The following MRPL48 variants were observed in gnomAD, a reference collection of about 807,000 sequenced individuals.
MRPL48 encodes the protein large ribosomal subunit protein mL48.
Under a neutral mutation model 32.9 loss-of-function variants are expected in MRPL48, and 16 were observed. The observed-to-expected ratio is 0.49, with a 90% CI of 0.33 to 0.74. The LOEUF (loss-of-function observed/expected upper bound fraction) is 0.74. Among genes scored for constraint, MRPL48 ranks in the 30% least tolerant of loss-of-function variants. The pLI, the probability that MRPL48 is intolerant of heterozygous loss-of-function variation, is 0.02. For missense variants in MRPL48, 206 were observed against 245.3 expected (o/e 0.84, Z 1.07); for synonymous variants, 94 against 89.2 (o/e 1.05, Z -0.31).
At chr11:73,839,181 T>C (rs1301501618) in intron 4 of MRPL48, among the ~76,000 whole-genome samples, 1 of 152,322 alleles carries the variant, frequency 6.6e-6, no homozygotes, top group East Asian at 1.9e-4. Context: ...AAGGACCATT[T>C]CTTTGTCTTC....
intron 4 of MRPL48, among the ~76,000 whole-genome samples, chr11:73,841,312 T>C (rs1371660336): frequency 6.6e-6 from 1 of 152,206 alleles, no homozygotes; most frequent in Non-Finnish European, 1.5e-5. Flanking sequence ...CAGAAATGCA[T>C]ACATATGTTC....
intron 3 of MRPL48, chr11:73,817,889 C>G (rs749094434): frequency 3.3e-6 from 1 of 301,636 alleles, no homozygotes; most frequent in South Asian, 2.8e-5. Context: ...CCTGCAGCCT[C>G]GAACTCCTGG....
intron 4 of MRPL48, among the ~76,000 whole-genome samples, chr11:73,835,348 G>T (rs57579114): frequency 0.062 from 9,329 of 151,334 alleles, 894 homozygotes; most frequent in African/African-American, 0.21. Flanking sequence ...CACCATTTTG[G>T]CTAGGATAGT....
At position 73,859,899 on chromosome 11, in the gene MRPL48, TC is replaced by T. The variant is rs751402403; in HGVS notation, c.372-5del. 5 of 1,613,060 alleles carry T rather than the reference TC, an allele frequency of 3.1e-6. No individual in the cohort carries two copies. The East Asian group carries it at 1.1e-4, about 36-fold the overall frequency. On this transcript the variant is annotated splice_polypyrimidine_tract_variant and splice_region_variant and intron_variant, in intron 5 of 7. Coordinates refer to ENST00000310614, the MANE Select transcript of MRPL48 (RefSeq NM_016055.6). ...ACACTCACTATAGCTGACTCTTCCT[TC>T]CCACAGTTATGCAATGCCAACCAAA...
At chr11:73,788,542 C>T (rs1380358333) in intron 1 of MRPL48, among the ~76,000 whole-genome samples, 1 of 147,798 alleles carries the variant, frequency 6.8e-6, no homozygotes, top group Non-Finnish European at 1.5e-5. Context: ...GGTGCGATCC[C>T]GGCTCACCAC....
chr11:73,824,181 A>G (rs1037950925), intron 3 of MRPL48, among the ~76,000 whole-genome samples: 8 of 152,110 alleles, frequency 5.3e-5, no homozygotes, highest in African/African-American at 1.9e-4. Context: ...ATCCAGTAGT[A>G]GCATACCTAC....
At chr11:73,859,738 T>C (rs1404718926) in intron 5 of MRPL48, among the ~76,000 whole-genome samples, 169 bp from the exon 6 acceptor site, 1 of 152,202 alleles carries the variant, frequency 6.6e-6, no homozygotes, top group Non-Finnish European at 1.5e-5. Flanking sequence ...TTAGGGAGTT[T>C]TGAAGCAGGT....
Position 73,850,234 on chromosome 11 carries a change from A to G in MRPL48, c.371+5258A>G, listed in dbSNP as rs1324761180. On this transcript the variant is annotated intron_variant, in intron 5 of 7. Transcript: ENST00000310614. ...TACACTGAGTCAGAAAATTATTTTA[A>G]TAACAAAAATTTTTTTTTTACAGAA... 4.0e-5 allele frequency among the ~76,000 whole-genome samples: 6 copies of G among 151,278 alleles called. No homozygotes were observed. The East Asian group carries it at 1.2e-3, about 29-fold the overall frequency.
Position 73,825,284 on chromosome 11 carries a change from A to ATATGTGTGTGTGTGTGTGTG in MRPL48, c.113-423_113-422insATGTGTGTGTGTGTGTGTGT, listed in dbSNP as rs146232365. 1.3e-4 allele frequency among the ~76,000 whole-genome samples: 18 copies of ATATGTGTGTGTGTGTGTGTG among 139,914 alleles called. No homozygotes were observed. In the South Asian group the frequency reaches 3.7e-3, roughly 29 times the overall value. The allele number at this position is 139,914 out of a possible 152,430, so 91.8% of individuals were successfully genotyped here. A position where few individuals can be genotyped will look rare whatever the true frequency, so the allele number is the denominator to read the frequency against. On this transcript the variant is annotated intron_variant, in intron 3 of 7. Transcript: ENST00000310614. ...CTTACTGTTACCTTGTTTTTTATAT[A>ATATGTGTGTGTGTGTGTGTG]TGTGTGTGTGTGTGTGTGTGTGTGT...
chr11:73,831,218 T>C (rs974068749), intron 4 of MRPL48, among the ~76,000 whole-genome samples: 1 of 152,166 alleles, frequency 6.6e-6, no homozygotes, highest in African/African-American at 2.4e-5. Flanking sequence ...TCCTTGTCCT[T>C]GATGCTTTTT....
chr11:73,851,578 C>G (rs1194478996), intron 5 of MRPL48, among the ~76,000 whole-genome samples: 2 of 152,174 alleles, frequency 1.3e-5, no homozygotes, highest in Non-Finnish European at 2.9e-5. Flanking sequence ...ACACATACCT[C>G]ATGTCACTTA....
chr11:73,837,058 A>T lies in MRPL48; in HGVS notation c.202-7749A>T, dbSNP rs184430137. Among the ~76,000 whole-genome samples the T allele has an allele frequency of 5.4e-3, 825 of 151,530 alleles. 7 individuals carry two copies. Among genetic ancestry groups the T allele is most frequent in the African/African-American group, 0.017 (699 of 41,334 alleles). On this transcript the variant is annotated intron_variant, in intron 4 of 7. Coordinates refer to ENST00000310614, the MANE Select transcript of MRPL48 (RefSeq NM_016055.6). ...CAGCTCATTATGGACTGTTGATAGT[A>T]CTTAACCCCAAATCATTCAAATCCT...
intron 2 of MRPL48, among the ~76,000 whole-genome samples, chr11:73,807,821 T>C (rs1468731980): frequency 1.3e-5 from 2 of 152,048 alleles, no homozygotes; most frequent in African/African-American, 4.8e-5. Flanking sequence ...GTATTTTTAG[T>C]AGAGACGGGG....
chr11:73,819,766 G>A lies in MRPL48; in HGVS notation c.113-5942G>A, dbSNP rs375326048. ...TGGGACAAATTAAACTGGTGTGGTG[G>A]CACACCCTGTAGTCCCAGCTACTCG... On this transcript the variant is annotated intron_variant, in intron 3 of 7. Coordinates refer to ENST00000310614, the MANE Select transcript of MRPL48 (RefSeq NM_016055.6). 2.1e-4 allele frequency among the ~76,000 whole-genome samples: 32 copies of A among 152,170 alleles called. No individual in the cohort carries two copies. The East Asian group carries it at 3.7e-3, about 17-fold the overall frequency.
intron 1 of MRPL48, 149 bp from the exon 2 acceptor site, chr11:73,804,878 G>T: frequency 3.4e-6 from 2 of 583,126 alleles, no homozygotes; most frequent in Non-Finnish European, 5.9e-6. Flanking sequence ...TGCATGCTTG[G>T]TGTTAATTGT....
chr11:73,799,753 A>G (rs1041823684), intron 1 of MRPL48, among the ~76,000 whole-genome samples: 2 of 152,184 alleles, frequency 1.3e-5, no homozygotes, highest in African/African-American at 4.8e-5. Flanking sequence ...ATTTAACAAA[A>G]TGGCACTTGT....
intron 4 of MRPL48, among the ~76,000 whole-genome samples, chr11:73,840,408 C>A (rs952642625): frequency 1.3e-5 from 2 of 152,180 alleles, no homozygotes; most frequent in African/African-American, 4.8e-5. Flanking sequence ...GTGTGACGAT[C>A]ACTTGAGCCT....
chr11:73,816,066 T>G (rs528413059), intron 3 of MRPL48, among the ~76,000 whole-genome samples: 4 of 151,366 alleles, frequency 2.6e-5, no homozygotes, highest in African/African-American at 9.7e-5. Flanking sequence ...TTATATTTAT[T>G]TATTTATTTA....
chr11:73,820,516 C>T (rs1387331831), intron 3 of MRPL48, among the ~76,000 whole-genome samples: 1 of 152,132 alleles, frequency 6.6e-6, no homozygotes, highest in East Asian at 1.9e-4. Context: ...GAGCCACTTG[C>T]CCAGCCCACT....
Sources: gnomAD v4.1 joint callset for allele counts (sites outside exome capture counted in the v4.1 genomes callset) on GRCh38, gnomAD v4.1.1 for gene constraint, MANE v1.5 for transcripts, NCBI Gene and HGNC (gene_info 2026-07-23, HGNC 2026-07-21) for gene names.